The following DCLK1 variants were observed in gnomAD, a reference collection of about 807,000 sequenced individuals.
The protein encoded by DCLK1 is doublecortin like kinase 1.
DCLK1 carries 16 observed loss-of-function variants against 86.2 expected under a neutral mutation model. That is an observed-to-expected ratio of 0.19 (90% CI 0.13 to 0.28). DCLK1 has a LOEUF of 0.28. DCLK1 is among the 10% of genes least tolerant of loss of function. DCLK1 has a pLI of 1.00. For synonymous variants in DCLK1, 369 were observed against 370.5 expected (o/e 1.00, Z 0.05); for missense variants, 590 against 940.2 (o/e 0.63, Z 4.87).
chr13:35,971,760 T>A (rs1203785321), intron 3 of DCLK1, among the ~76,000 whole-genome samples: 5 of 140,162 alleles, frequency 3.6e-5, no homozygotes, highest in African/African-American at 1.1e-4. Context: ...TGAAACTCCA[T>A]CTCAAAAAAA....
intron 7 of DCLK1, among the ~76,000 whole-genome samples, chr13:35,837,197 A>G (rs537047533): frequency 3.7e-4 from 56 of 152,350 alleles, no homozygotes; most frequent in Admixed American, 2.7e-3. Flanking sequence ...ACTCATAATC[A>G]TCAGATATCT....
At chr13:35,961,227 G>A (rs542150031) in intron 3 of DCLK1, among the ~76,000 whole-genome samples, 1 of 152,134 alleles carries the variant, frequency 6.6e-6, no homozygotes, top group Admixed American at 6.6e-5. Context: ...AATTTGATGA[G>A]ATAATGCATG....
chr13:35,951,214 T>C (rs762866719), intron 3 of DCLK1, among the ~76,000 whole-genome samples: 3 of 151,682 alleles, frequency 2.0e-5, no homozygotes, highest in Admixed American at 6.6e-5. Context: ...TGGTGCCTGA[T>C]ACTTAAATAA....
intron 3 of DCLK1, among the ~76,000 whole-genome samples, chr13:36,049,081 A>G (rs1436242258): frequency 1.3e-5 from 2 of 151,920 alleles, no homozygotes; most frequent in African/African-American, 4.8e-5. Flanking sequence ...TGCACTTTCC[A>G]TCTTATTCTC....
chr13:36,004,463 G>A (rs878978713), intron 3 of DCLK1, among the ~76,000 whole-genome samples: 1 of 152,122 alleles, frequency 6.6e-6, no homozygotes, highest in African/African-American at 2.4e-5. Flanking sequence ...AAGGGCTGGG[G>A]TGGGGGAAAA....
chr13:35,980,055 T>C (rs1879556364), intron 3 of DCLK1, among the ~76,000 whole-genome samples: 1 of 152,214 alleles, frequency 6.6e-6, no homozygotes, highest in Non-Finnish European at 1.5e-5. Context: ...TTTTTGAGTG[T>C]ACAGTTTAGC....
chr13:35,769,711 T>C lies in DCLK1; in HGVS notation c.*4824A>G, dbSNP rs1466758412. On this transcript the variant is annotated 3_prime_UTR_variant, in exon 17 of 17. Transcript: ENST00000360631. ...GCAACAGTGAAGACTTTAGAACTAT[T>C]ACTTACTTTAAATTATTAAAGTATA... 1 of 152,200 alleles carries C rather than the reference T, an allele frequency of 6.6e-6. No individual in the cohort carries two copies. The highest frequency in any genetic ancestry group is 1.5e-5 in the Non-Finnish European group (1 of 68,034). The allele number at this position is 152,200 out of a possible 1,614,324, so 9.4% of individuals were successfully genotyped here.
chr13:36,120,876 G>A (rs1308516097), intron 2 of DCLK1, among the ~76,000 whole-genome samples: 2 of 152,132 alleles, frequency 1.3e-5, no homozygotes, highest in Admixed American at 6.5e-5. Flanking sequence ...ATCTTGTTGA[G>A]GATAGAGAAA....
intron 3 of DCLK1, among the ~76,000 whole-genome samples, chr13:36,025,005 T>C (rs528095580): frequency 1.3e-5 from 2 of 151,884 alleles, no homozygotes; most frequent in South Asian, 4.2e-4. Flanking sequence ...TTTGTTCTTG[T>C]TGCCCAGGCT....
At chr13:35,786,222 C>G (rs544098428) in intron 16 of DCLK1, among the ~76,000 whole-genome samples, 43 of 152,232 alleles carry the variant, frequency 2.8e-4, no homozygotes, top group African/African-American at 9.6e-4. Context: ...CATCCTTAAT[C>G]CTACAAATTT....
intron 4 of DCLK1, among the ~76,000 whole-genome samples, chr13:35,934,350 T>G (rs531053129): frequency 1.3e-5 from 2 of 152,324 alleles, no homozygotes; most frequent in African/African-American, 4.8e-5. Flanking sequence ...TATTAGTCTG[T>G]TTTCATGTGC....
chr13:35,800,132 C>G (rs921105069), intron 15 of DCLK1, among the ~76,000 whole-genome samples: 1 of 152,140 alleles, frequency 6.6e-6, no homozygotes, highest in African/African-American at 2.4e-5. Context: ...TCTCATTCAC[C>G]AACATTAATC....
rs760195385 is a variant in DCLK1, at chr13:35,887,878, C to CAAAAAAAAAAAA, written c.824-16550_824-16539dup. On this transcript the variant is annotated intron_variant, in intron 4 of 16. Coordinates refer to ENST00000360631, the MANE Select transcript of DCLK1 (RefSeq NM_001330071.2). ...TGGACAGCATAGTAAGATCTTGTCT[C>CAAAAAAAAAAAA]AAAAAAAAAAAAAAAAAAAAAAAAA... Among the ~76,000 whole-genome samples, 14 of 38,744 alleles carry CAAAAAAAAAAAA rather than the reference C, an allele frequency of 3.6e-4. 4 individuals carry two copies. Among genetic ancestry groups the CAAAAAAAAAAAA allele is most frequent in the Non-Finnish European group, 5.3e-4 (11 of 20,572 alleles). The allele number at this position is 38,744 out of a possible 152,430, so 25.4% of individuals were successfully genotyped here. A position where few individuals can be genotyped will look rare whatever the true frequency, so the allele number is the denominator to read the frequency against.
chr13:36,034,577 G>A (rs1010291497), intron 3 of DCLK1, among the ~76,000 whole-genome samples: 1 of 152,092 alleles, frequency 6.6e-6, no homozygotes, highest in Non-Finnish European at 1.5e-5. Flanking sequence ...CTGAAATTTT[G>A]AAGGACTTAA....
chr13:36,031,280 T>A (rs1307959174), intron 3 of DCLK1, among the ~76,000 whole-genome samples: 1 of 150,202 alleles, frequency 6.7e-6, no homozygotes, highest in Non-Finnish European at 1.5e-5. Flanking sequence ...CACAAAAGAG[T>A]GATTTTTCTT....
At chr13:35,810,718 G>T in intron 12 of DCLK1, 117 bp downstream of exon 12, 1 of 1,281,324 alleles carries the variant, frequency 7.8e-7, no homozygotes, top group Non-Finnish European at 1.1e-6. Flanking sequence ...AAAAAGAGTG[G>T]AAGAAACCTG....
intron 15 of DCLK1, among the ~76,000 whole-genome samples, chr13:35,804,809 T>G (rs917684128): frequency 2.0e-5 from 3 of 152,192 alleles, no homozygotes; most frequent in Non-Finnish European, 4.4e-5. Flanking sequence ...ATAATGACTC[T>G]GCTCTGGAGA....
chr13:35,797,607 A>AT (rs979555878), intron 15 of DCLK1, among the ~76,000 whole-genome samples: 2 of 152,088 alleles, frequency 1.3e-5, no homozygotes, highest in African/African-American at 4.8e-5. Context: ...ACGTTCTAGG[A>AT]TTTTTTTCCA....
chr13:35,966,792 T>G (rs1878764494), intron 3 of DCLK1, among the ~76,000 whole-genome samples: 1 of 152,014 alleles, frequency 6.6e-6, no homozygotes, highest in Non-Finnish European at 1.5e-5. Context: ...AGACGGAGTC[T>G]CGCTCACTCA....
Sources: gnomAD v4.1 joint callset for allele counts (sites outside exome capture counted in the v4.1 genomes callset) on GRCh38, gnomAD v4.1.1 for gene constraint, MANE v1.5 for transcripts, NCBI Gene and HGNC (gene_info 2026-07-23, HGNC 2026-07-21) for gene names.